CEP57L1: variants seen among roughly 807,000 people sequenced by gnomAD.
The protein encoded by CEP57L1 is centrosomal protein CEP57L1.
Under a neutral mutation model 61.0 loss-of-function variants are expected in CEP57L1, and 37 were observed. That is an observed-to-expected ratio of 0.61 (90% CI 0.47 to 0.80). CEP57L1 has a LOEUF of 0.80. Among genes scored for constraint, CEP57L1 ranks in the 30% least tolerant of loss-of-function variants. The probability of loss-of-function intolerance (pLI) is 0.00; values close to 1 mark genes in which losing one functional copy is unlikely to be tolerated. For missense variants in CEP57L1, 422 were observed against 524.7 expected (o/e 0.80, Z 1.91); for synonymous variants, 137 against 162.3 (o/e 0.84, Z 1.19).
chr6:109,131,118 T>C (rs1774153155), intron 1 of CEP57L1, among the ~76,000 whole-genome samples: 1 of 152,198 alleles, frequency 6.6e-6, no homozygotes, highest in South Asian at 2.1e-4. Context: ...TCAATTCGAA[T>C]GTCAAAAGAT....
chr6:109,103,080 T>C (rs747724678), intron 1 of CEP57L1, among the ~76,000 whole-genome samples: 10 of 152,224 alleles, frequency 6.6e-5, no homozygotes, highest in Non-Finnish European at 1.5e-4. Flanking sequence ...TTTTGCCTAG[T>C]CTTACAAGGT....
chr6:109,137,593 C>T (rs992408789), intron 1 of CEP57L1, among the ~76,000 whole-genome samples: 1 of 152,210 alleles, frequency 6.6e-6, no homozygotes, highest in Non-Finnish European at 1.5e-5. Context: ...AGCCACCGCT[C>T]CCAGCCTCAA....
intron 1 of CEP57L1, among the ~76,000 whole-genome samples, chr6:109,128,799 C>T (rs181177689): frequency 1.4e-4 from 22 of 152,284 alleles, no homozygotes; most frequent in African/African-American, 2.9e-4. Context: ...TTCCAGTTTT[C>T]GTGTTCCTGC....
rs1477925297 is a variant in CEP57L1, at chr6:109,152,642, T to C, written c.463-1191T>C. 0.017 allele frequency among the ~76,000 whole-genome samples: 6 copies of C among 354 alleles called. No individual in the cohort carries two copies. The South Asian group carries it at 0.33, about 20-fold the overall frequency. The allele number at this position is 354 out of a possible 152,430, so 0.2% of individuals were successfully genotyped here. A position where few individuals can be genotyped will look rare whatever the true frequency, so the allele number is the denominator to read the frequency against. The stretch of plus-strand genomic sequence containing the variant: ...TAGCATATAGATGTGCGTGCGTGTG[T>C]GTGTGTGTGTGTGTGTGTGTGTGTG... On this transcript the variant is annotated intron_variant, in intron 4 of 10. Transcript: ENST00000517392.
chr6:109,144,377 T>C (rs1771740980), intron 1 of CEP57L1, among the ~76,000 whole-genome samples: 1 of 152,216 alleles, frequency 6.6e-6, no homozygotes, highest in African/African-American at 2.4e-5. Context: ...CAAGCTTTCT[T>C]GCTTAAAATT....
At chr6:109,151,786 G>T (rs1004607731) in intron 4 of CEP57L1, among the ~76,000 whole-genome samples, 11 of 152,082 alleles carry the variant, frequency 7.2e-5, no homozygotes, top group Non-Finnish European at 1.3e-4. Context: ...AGAATTCTAG[G>T]TGACATCTTT....
intron 1 of CEP57L1, among the ~76,000 whole-genome samples, chr6:109,141,270 T>C (rs1446481116): frequency 3.3e-5 from 5 of 150,710 alleles, no homozygotes; most frequent in Non-Finnish European, 5.9e-5. Context: ...TGCTAGTGTG[T>C]AGTGGCGCAA....
intron 1 of CEP57L1, among the ~76,000 whole-genome samples, chr6:109,115,875 G>A (rs538368915): frequency 1.2e-4 from 18 of 152,016 alleles, no homozygotes; most frequent in Non-Finnish European, 2.4e-4. Context: ...CTTGTAAGTG[G>A]TAATACTTTT....
intron 1 of CEP57L1, among the ~76,000 whole-genome samples, chr6:109,135,700 A>G (rs1774789461): frequency 6.6e-6 from 1 of 152,194 alleles, no homozygotes; most frequent in Admixed American, 6.5e-5. Flanking sequence ...TCTACAAAGA[A>G]CTCAAACAAA....
chr6:109,099,616 C>T (rs1045562556), intron 1 of CEP57L1, among the ~76,000 whole-genome samples: 7 of 152,050 alleles, frequency 4.6e-5, no homozygotes, highest in African/African-American at 1.7e-4. Context: ...GTGGCGCTAT[C>T]TCGGCTTATT....
intron 3 of CEP57L1, among the ~76,000 whole-genome samples, chr6:109,147,241 C>T (rs948373175): frequency 2.0e-5 from 3 of 151,788 alleles, no homozygotes; most frequent in East Asian, 1.9e-4. Flanking sequence ...CAATTTAACC[C>T]GTAATTGAAT....
chr6:109,117,142 A>G (rs1772401402), intron 1 of CEP57L1, among the ~76,000 whole-genome samples: 1 of 152,182 alleles, frequency 6.6e-6, no homozygotes, highest in Non-Finnish European at 1.5e-5. Context: ...AAATATATAT[A>G]TAGTATGTTT....
chr6:109,108,793 T>C (rs1771229746), intron 1 of CEP57L1, among the ~76,000 whole-genome samples: 1 of 152,214 alleles, frequency 6.6e-6, no homozygotes, highest in African/African-American at 2.4e-5. Flanking sequence ...CACAGTATTG[T>C]TTCATGAATT....
intron 1 of CEP57L1, among the ~76,000 whole-genome samples, chr6:109,140,238 A>C (rs984808045): frequency 1.3e-5 from 2 of 151,144 alleles, no homozygotes; most frequent in African/African-American, 4.9e-5. Context: ...GATTACAAGC[A>C]CTTGCCACTT....
At chr6:109,131,213 C>T (rs1284441550) in intron 1 of CEP57L1, among the ~76,000 whole-genome samples, 4 of 151,984 alleles carry the variant, frequency 2.6e-5, no homozygotes, top group African/African-American at 9.7e-5. Context: ...TAAACTGCTT[C>T]TAAATTTCTG....
intron 1 of CEP57L1, among the ~76,000 whole-genome samples, chr6:109,112,858 C>T (rs1264947428): frequency 3.3e-5 from 5 of 152,146 alleles, no homozygotes; most frequent in African/African-American, 9.7e-5. Flanking sequence ...GATTTGATTG[C>T]ACTGTGGTCT....
chr6:109,168,734 T>C lies in CEP57L1; in HGVS notation c.*5764T>C, dbSNP rs1336976020. ...CCTCAGCCTCCCAAGTAGCTGGGAT[T>C]ATAGGTGTGCACCACCATGCCCTGC... On this transcript the variant is annotated 3_prime_UTR_variant, in exon 11 of 11. Coordinates refer to ENST00000517392, the MANE Select transcript of CEP57L1 (RefSeq NM_001271852.3). Among the ~76,000 whole-genome samples the C allele has an allele frequency of 6.6e-6, 1 of 151,482 alleles. No individual in the cohort carries two copies. The highest frequency in any genetic ancestry group is 1.5e-5 in the Non-Finnish European group (1 of 67,854).
At chr6:109,119,531 A>C (rs1375572791) in intron 1 of CEP57L1, among the ~76,000 whole-genome samples, 4 of 152,334 alleles carry the variant, frequency 2.6e-5, no homozygotes, top group East Asian at 3.9e-4. Flanking sequence ...GTTTTGAGGC[A>C]AAGATGGTGC....
rs1001902320 is a variant in CEP57L1 at position 109,167,870 on chromosome 6, A to T, written c.*4900A>T. On this transcript the variant is annotated 3_prime_UTR_variant, in exon 11 of 11. Coordinates refer to ENST00000517392, the MANE Select transcript of CEP57L1 (RefSeq NM_001271852.3). ...GGTATGTTTGACTTGTTCATCAGTG[A>T]GTATTTATTGATCTCTAATTATTGA... is the stretch of plus-strand genomic sequence containing the variant. Among the ~76,000 whole-genome samples the T allele has an allele frequency of 1.3e-5, 2 of 152,214 alleles. No individual in the cohort carries two copies. The highest frequency in any genetic ancestry group is 2.9e-5 in the Non-Finnish European group (2 of 68,044).
Sources: gnomAD v4.1 joint callset for allele counts (sites outside exome capture counted in the v4.1 genomes callset) on GRCh38, gnomAD v4.1.1 for gene constraint, MANE v1.5 for transcripts, NCBI Gene and HGNC (gene_info 2026-07-23, HGNC 2026-07-21) for gene names.